Variants in LRP1B observed in about 807,000 individuals in gnomAD.
LRP1B encodes the protein low-density lipoprotein receptor-related protein 1B.
In LRP1B, 217 loss-of-function variants were observed where a neutral mutation model predicts 556.6. The observed-to-expected ratio is 0.39, with a 90% CI of 0.35 to 0.44. The LOEUF (loss-of-function observed/expected upper bound fraction) is 0.44. Ranked by LOEUF, LRP1B falls within the 20% of genes least tolerant of loss-of-function variation. The pLI is 1.00. For missense variants in LRP1B, 5,053 were observed against 5,620.8 expected, an observed-to-expected ratio of 0.90 and a Z score of 3.23; for synonymous variants, 2,047 against 1,865.8, an observed-to-expected ratio of 1.10 and a Z score of -2.50.
chr2:140,672,934 A>C (rs550457797), intron 41 of LRP1B, among the ~76,000 whole-genome samples: 23 of 152,304 alleles, frequency 1.5e-4, no homozygotes, highest in African/African-American at 5.3e-4. Flanking sequence ...CACTTCAAAG[A>C]GCTCTCTATG....
intron 1 of LRP1B, among the ~76,000 whole-genome samples, chr2:141,873,348 T>C (rs964784291): frequency 1.6e-4 from 25 of 152,072 alleles, no homozygotes; most frequent in African/African-American, 5.3e-4. Flanking sequence ...TAGTCCCAGA[T>C]ACTTGATTTT....
chr2:141,259,370 C>T (rs963037300), intron 3 of LRP1B, among the ~76,000 whole-genome samples: 25 of 152,134 alleles, frequency 1.6e-4, no homozygotes, highest in African/African-American at 5.8e-4. Flanking sequence ...ATCTTGTTTC[C>T]TCTTTCTAGG....
chr2:140,537,166 G>C (rs535075786), intron 45 of LRP1B, among the ~76,000 whole-genome samples: 2 of 115,426 alleles, frequency 1.7e-5, no homozygotes, highest in Admixed American at 1.7e-4. Flanking sequence ...GTGAGACTCT[G>C]TATCAAAATA....
intron 2 of LRP1B, among the ~76,000 whole-genome samples, chr2:141,554,369 T>C (rs1261398562): frequency 6.7e-6 from 1 of 149,576 alleles, no homozygotes; most frequent in African/African-American, 2.4e-5. Context: ...AGATATAGAT[T>C]ATATATCTAT....
chr2:141,548,263 A>G (rs566535295), intron 2 of LRP1B, among the ~76,000 whole-genome samples: 25 of 152,356 alleles, frequency 1.6e-4, no homozygotes, highest in African/African-American at 5.5e-4. Flanking sequence ...TCAGTGCTCA[A>G]AAATGTTAGT....
intron 20 of LRP1B, among the ~76,000 whole-genome samples, chr2:140,945,641 G>A (rs1388256977): frequency 6.6e-6 from 1 of 151,974 alleles, no homozygotes; most frequent in East Asian, 1.9e-4. Flanking sequence ...GGCGTTGGGA[G>A]CATTGGCTAA....
chr2:141,154,388 C>A (rs1183782149), intron 7 of LRP1B, among the ~76,000 whole-genome samples: 1 of 151,832 alleles, frequency 6.6e-6, no homozygotes, highest in East Asian at 1.9e-4. Context: ...ATAGTTTTCA[C>A]AATTTCTCCC....
intron 1 of LRP1B, among the ~76,000 whole-genome samples, chr2:141,937,184 T>C (rs1013832420): frequency 5.9e-5 from 9 of 151,826 alleles, no homozygotes; most frequent in African/African-American, 1.2e-4. Flanking sequence ...AGTCAGGAGA[T>C]TGAGACCACG....
chr2:141,488,991 T>G (rs111624850), intron 2 of LRP1B, among the ~76,000 whole-genome samples: 8,518 of 151,216 alleles, frequency 0.056, 385 homozygotes, highest in African/African-American at 0.11. Flanking sequence ...TTGTTTGTTT[T>G]TTTGAGACGG....
chr2:140,464,817 C>G (rs778720292), intron 60 of LRP1B, among the ~76,000 whole-genome samples: 3 of 152,038 alleles, frequency 2.0e-5, no homozygotes, highest in African/African-American at 7.2e-5. Context: ...AAAACTGAAG[C>G]CTTTGAAAAG....
At chr2:140,807,433 C>T (rs1285520302) in intron 32 of LRP1B, among the ~76,000 whole-genome samples, 3 of 151,746 alleles carry the variant, frequency 2.0e-5, no homozygotes, top group African/African-American at 4.8e-5. Context: ...CTCTGCAGCC[C>T]GGGTTCAAGC....
intron 2 of LRP1B, among the ~76,000 whole-genome samples, chr2:141,598,875 G>A (rs974300968): frequency 2.6e-5 from 4 of 151,900 alleles, no homozygotes; most frequent in Admixed American, 6.6e-5. Flanking sequence ...GGTGAAAAGC[G>A]GTGGCAAATC....
chr2:140,514,826 G>C (rs2104932866), intron 50 of LRP1B, 54 bp from the exon 51 acceptor site: 1 of 1,473,924 alleles, frequency 6.8e-7, no homozygotes, highest in Non-Finnish European at 9.1e-7. Context: ...TCTTACAACA[G>C]ATCCGACAGT....
At chr2:140,775,656 C>T (rs941493755) in intron 33 of LRP1B, among the ~76,000 whole-genome samples, 1 of 151,858 alleles carries the variant, frequency 6.6e-6, no homozygotes, top group African/African-American at 2.4e-5. Flanking sequence ...CATTTCACTG[C>T]ACACAATTTG....
At chr2:141,257,552 G>A (rs1010552482) in intron 3 of LRP1B, among the ~76,000 whole-genome samples, 4 of 152,086 alleles carry the variant, frequency 2.6e-5, no homozygotes, top group South Asian at 2.1e-4. Flanking sequence ...TACAAAATGC[G>A]GGAAAAATTA....
chr2:141,022,323 A>G (rs1387478078), intron 11 of LRP1B, among the ~76,000 whole-genome samples: 1 of 151,760 alleles, frequency 6.6e-6, no homozygotes, highest in East Asian at 1.9e-4. Context: ...AATGATAATG[A>G]ATAAAAATTT....
chr2:140,737,743 G>C (rs187430465), intron 35 of LRP1B, among the ~76,000 whole-genome samples: 1 of 152,112 alleles, frequency 6.6e-6, no homozygotes, highest in African/African-American at 2.4e-5. Flanking sequence ...TGAAAGACAG[G>C]GTGCAGGAGT....
At chr2:141,923,263 TG>T (rs1434643516) in intron 1 of LRP1B, among the ~76,000 whole-genome samples, 1 of 151,736 alleles carries the variant, frequency 6.6e-6, no homozygotes, top group Non-Finnish European at 1.5e-5. Flanking sequence ...GATGATGACT[TG>T]CCACCTCTAC....
intron 41 of LRP1B, among the ~76,000 whole-genome samples, chr2:140,695,839 C>A (rs1686411855): frequency 6.6e-6 from 1 of 152,148 alleles, no homozygotes. Context: ...CTATGGCACA[C>A]TGTAAGCACT....
Sources: allele counts gnomAD v4.1 joint callset (sites outside exome capture counted in the v4.1 genomes callset), GRCh38; gene constraint gnomAD v4.1.1; transcripts MANE v1.5; gene names NCBI Gene and HGNC (gene_info 2026-07-23, HGNC 2026-07-21).